The following RGS8 variants were observed in gnomAD, a reference collection of about 807,000 sequenced individuals.
The protein encoded by RGS8 is regulator of G protein signaling 8.
In RGS8, 8 loss-of-function variants were observed where a neutral mutation model predicts 21.7. The observed-to-expected ratio is 0.37, with a 90% CI of 0.22 to 0.66. The LOEUF (loss-of-function observed/expected upper bound fraction) is 0.66. Ranked by LOEUF, RGS8 falls within the 30% of genes least tolerant of loss-of-function variation. The pLI, the probability that RGS8 is intolerant of heterozygous loss-of-function variation, is 0.59. For missense variants in RGS8, 157 were observed against 217.9 expected (o/e 0.72, Z 1.76); for synonymous variants, 80 against 83.6 (o/e 0.96, Z 0.24).
intron 5 of RGS8, among the ~76,000 whole-genome samples, chr1:182,650,758 T>C (rs1450499611): frequency 6.6e-6 from 1 of 152,054 alleles, no homozygotes; most frequent in Admixed American, 6.6e-5. Context: ...GAAGTTGAGG[T>C]GGGAGGATCA....
At chr1:182,672,045 C>T (rs1052437367), upstream of RGS8, 36 of 521,676 alleles carry the variant, frequency 6.9e-5, no homozygotes, top group Middle Eastern at 6.5e-4. Context: ...ACCTGAAGCT[C>T]CTCTGGCTGC....
chr1:182,723,013 A>C, the RGS8 span, among the ~76,000 whole-genome samples: 2 of 151,500 alleles, frequency 1.3e-5, no homozygotes, highest in Non-Finnish European at 2.9e-5. Context: ...AAAATAAATA[A>C]ATAAATAAAT....
upstream of RGS8, among the ~76,000 whole-genome samples, chr1:182,685,847 G>A (rs1158839166): frequency 6.6e-6 from 1 of 152,166 alleles, no homozygotes; most frequent in Non-Finnish European, 1.5e-5. Context: ...TATGTGCTGT[G>A]GGGGATGCAG....
chr1:182,737,734 A>T, the RGS8 span, among the ~76,000 whole-genome samples: 1 of 152,230 alleles, frequency 6.6e-6, no homozygotes, highest in East Asian at 1.9e-4. Context: ...TAAACCATAC[A>T]AGATAACATT....
At chr1:182,743,835 A>G in the RGS8 span, among the ~76,000 whole-genome samples, 1 of 152,220 alleles carries the variant, frequency 6.6e-6, no homozygotes, top group Non-Finnish European at 1.5e-5. Flanking sequence ...ACACATGCAT[A>G]TAGACATGCT....
Position 182,646,925 on chromosome 1 carries a change from T to C in RGS8, c.361-8A>G, listed in dbSNP as rs767002223. The C allele has an allele frequency of 4.3e-6, 7 of 1,610,946 alleles. No individual in the cohort carries two copies. In the Admixed American group the frequency reaches 5.0e-5, roughly 12 times the overall value. On this transcript the variant is annotated splice_polypyrimidine_tract_variant and splice_region_variant and intron_variant, in intron 6 of 6. Transcript: ENST00000483095. ...CTGGAAGTCAATGTTTACCTAGAGA[T>C]ACAAACAGAGAGCAAGGTCACAGGC...
rs1343098689 is a variant in RGS8 at position 182,684,123 on chromosome 1, C to T, written n.221+233G>A. Among the ~76,000 whole-genome samples the T allele has an allele frequency of 6.6e-6, 1 of 152,214 alleles. No homozygotes were observed. Among genetic ancestry groups the T allele is most frequent in the African/African-American group, 2.4e-5 (1 of 41,456 alleles). ...TGGAGAACACAAAGGACATTTGAGG[C>T]TTAGCACCTGCTAACTGGGAAGAAC... is the stretch of plus-strand genomic sequence containing the variant. On this transcript the variant is annotated intron_variant and non_coding_transcript_variant, in intron 1 of 4. Transcript: ENST00000515211. The surrounding 1 kb of genome is among the most constrained non-coding windows in gnomAD (Gnocchi z 4.2).
At chr1:182,641,853 T>C (rs923503426), downstream of RGS8, 1 of 152,238 alleles carries the variant, frequency 6.6e-6, no homozygotes, top group Non-Finnish European at 1.5e-5. Context: ...CTCACAGCCT[T>C]GTTTATAGTA....
At chr1:182,708,836 A>T in the RGS8 span, among the ~76,000 whole-genome samples, 2 of 152,188 alleles carry the variant, frequency 1.3e-5, no homozygotes, top group Non-Finnish European at 2.9e-5. Context: ...AGGTGATGAG[A>T]CTTCTGAATG....
the RGS8 span, among the ~76,000 whole-genome samples, chr1:182,747,652 G>A: frequency 1.3e-5 from 2 of 152,150 alleles, no homozygotes; most frequent in Non-Finnish European, 2.9e-5. Flanking sequence ...GAACAAGCAA[G>A]AGGCATCAAG....
chr1:182,651,470 C>A (rs555157281), intron 5 of RGS8, among the ~76,000 whole-genome samples: 1 of 152,292 alleles, frequency 6.6e-6, no homozygotes, highest in African/African-American at 2.4e-5. Context: ...AAGAGAGTAT[C>A]ACATCACATA....
chr1:182,668,067 C>T (rs1663960938), intron 3 of RGS8, among the ~76,000 whole-genome samples: 1 of 152,214 alleles, frequency 6.6e-6, no homozygotes, highest in East Asian at 1.9e-4. Context: ...TATTGGAACA[C>T]AACCACACCA....
chr1:182,654,682 G>A (rs1033075338), intron 5 of RGS8, among the ~76,000 whole-genome samples: 6 of 152,090 alleles, frequency 3.9e-5, no homozygotes, highest in African/African-American at 1.4e-4. Flanking sequence ...TTGGAACAGC[G>A]ACCTTGGAAA....
At chr1:182,745,793 A>G in the RGS8 span, among the ~76,000 whole-genome samples, 7 of 152,222 alleles carry the variant, frequency 4.6e-5, no homozygotes, top group Non-Finnish European at 1.0e-4. Flanking sequence ...AATCCCTGCC[A>G]TAGCTTCCTA....
At chr1:182,730,989 T>C in the RGS8 span, among the ~76,000 whole-genome samples, 2 of 152,210 alleles carry the variant, frequency 1.3e-5, no homozygotes, top group Non-Finnish European at 2.9e-5. Flanking sequence ...AGAGAAATCT[T>C]CACTTCTCCC....
the RGS8 span, among the ~76,000 whole-genome samples, chr1:182,742,747 G>GAGGGAGAGGGACAGGGAC: frequency 2.0e-5 from 3 of 150,296 alleles, no homozygotes; most frequent in Non-Finnish European, 4.4e-5. Flanking sequence ...GGGAGAGGGA[G>GAGGGAGAGGGACAGGGAC]AGGGACAGGG....
chr1:182,649,849 C>G (rs60507505), intron 5 of RGS8, among the ~76,000 whole-genome samples: 53 of 150,840 alleles, frequency 3.5e-4, no homozygotes, highest in African/African-American at 1.1e-3. Flanking sequence ...AAGACCCCGG[C>G]AATAATCTTT....
the RGS8 span, among the ~76,000 whole-genome samples, chr1:182,735,750 T>C: frequency 1.3e-5 from 2 of 152,224 alleles, no homozygotes; most frequent in Non-Finnish European, 2.9e-5. Flanking sequence ...CTTTTCTATA[T>C]TCACAAGAGA....
chr1:182,742,016 C>T, the RGS8 span, among the ~76,000 whole-genome samples: 2 of 147,102 alleles, frequency 1.4e-5, no homozygotes, highest in African/African-American at 5.1e-5. Flanking sequence ...GGTCTCCTCA[C>T]TTCTCAGACG....
Sources: allele counts gnomAD v4.1 joint callset (sites outside exome capture counted in the v4.1 genomes callset), GRCh38; gene constraint gnomAD v4.1.1; non-coding constraint Gnocchi (gnomAD v3.1); transcripts MANE v1.5; gene names NCBI Gene and HGNC (gene_info 2026-07-23, HGNC 2026-07-21).